ASB5: variants seen among roughly 807,000 people sequenced by gnomAD.
ASB5 encodes ankyrin repeat and SOCS box protein 5.
In ASB5, 45 loss-of-function variants were observed where a neutral mutation model predicts 42.1. The ratio of observed to expected loss-of-function variants is 1.07; its 90% CI spans 0.84 to 1.37. ASB5 has a LOEUF of 1.37. Among genes scored for constraint, ASB5 ranks in the 40% most tolerant of loss-of-function variants. The pLI is 0.00. For missense variants in ASB5, 402 were observed against 399.8 expected (o/e 1.01, Z -0.05); for synonymous variants, 147 against 150.6 (o/e 0.98, Z 0.18).
At chr4:176,237,064 GTC>G (rs1231971435) in intron 1 of ASB5, among the ~76,000 whole-genome samples, 2 of 152,156 alleles carry the variant, frequency 1.3e-5, no homozygotes, top group Non-Finnish European at 2.9e-5. Flanking sequence ...ACAAACCAGA[GTC>G]TAAGAGTTTG....
Position 176,254,935 on chromosome 4 carries a change from G to A in ASB5, c.196+13978C>T, listed in dbSNP as rs1354109361. On this transcript the variant is annotated intron_variant, in intron 1 of 6. Coordinates refer to ENST00000296525, the MANE Select transcript of ASB5 (RefSeq NM_080874.4). Reference sequence around the variant, plus strand: ...TCACGAGGTCAGGCGTTTGAGACCAGCCTGACCAACATGGTGAAACCCCAT... The same window carrying A: ...TCACGAGGTCAGGCGTTTGAGACCAACCTGACCAACATGGTGAAACCCCAT... 2.0e-5 allele frequency among the ~76,000 whole-genome samples: 3 copies of A among 152,082 alleles called. No individual in the cohort carries two copies. In the East Asian group the frequency reaches 5.8e-4, roughly 29 times the overall value.
chr4:176,272,661 C>T (rs1754490237), upstream of ASB5, among the ~76,000 whole-genome samples: 1 of 152,090 alleles, frequency 6.6e-6, no homozygotes, highest in African/African-American at 2.4e-5. Flanking sequence ...GAGTACTACA[C>T]GAATTGTTGC....
Position 176,222,391 on chromosome 4 carries a change from G to C in ASB5, c.306C>G (p.Asp102Glu), listed in dbSNP as rs1753240961. The C allele has an allele frequency of 6.2e-7, 1 of 1,613,762 alleles. No individual in the cohort carries two copies. Reference protein sequence around the residue: ...QGYNVNAVTLDHVTPLHEACL... With the variant: ...QGYNVNAVTLEHVTPLHEACL... The stretch of plus-strand genomic sequence containing the variant: ...AGGCTTCGTGCAATGGGGTGACATG[G>C]TCTAAGGTTACTGCATTTACATTAT... The change falls in exon 3 of 7, where the codon GAC (aspartate) becomes GAG (glutamate). Residue 102 changes from aspartate (D) to glutamate (E), a missense_variant. Coordinates refer to ENST00000296525, the MANE Select transcript of ASB5 (RefSeq NM_080874.4).
At chr4:176,222,502 T>C in intron 2 of ASB5, 82 bp from the exon 3 acceptor site, 3 of 1,256,348 alleles carry the variant, frequency 2.4e-6, no homozygotes, top group Non-Finnish European at 3.4e-6. Context: ...TAGAGAGTGA[T>C]ATATTTTAGA....
At chr4:176,253,440 C>T (rs964589110) in intron 1 of ASB5, among the ~76,000 whole-genome samples, 1 of 152,158 alleles carries the variant, frequency 6.6e-6, no homozygotes, top group East Asian at 1.9e-4. Flanking sequence ...ATAGTTCATA[C>T]TAAACAGGCA....
At chr4:176,269,573 A>G (rs1754430204), upstream of ASB5, among the ~76,000 whole-genome samples, 1 of 152,226 alleles carries the variant, frequency 6.6e-6, no homozygotes, top group African/African-American at 2.4e-5. Context: ...GAGCTAAATC[A>G]GTACACAGTC....
intron 1 of ASB5, 22 bp downstream of exon 1, chr4:176,268,891 G>A: frequency 6.5e-7 from 1 of 1,535,758 alleles, no homozygotes; most frequent in Non-Finnish European, 8.8e-7. Context: ...CTTGAAACAA[G>A]AGAGGATTAT....
chr4:176,237,162 T>C (rs1181282049), intron 1 of ASB5: 1 of 562,368 alleles, frequency 1.8e-6, no homozygotes, highest in African/African-American at 2.1e-5. Flanking sequence ...AGCAGTCCTT[T>C]GCCATGCCAT....
At chr4:176,216,302 C>A (rs1752967135) in intron 6 of ASB5, among the ~76,000 whole-genome samples, 1 of 151,882 alleles carries the variant, frequency 6.6e-6, no homozygotes, top group Admixed American at 6.6e-5. Context: ...ATATATTTAA[C>A]CAAAAATATA....
chr4:176,216,591 C>T (rs577425355), intron 6 of ASB5, among the ~76,000 whole-genome samples: 1 of 152,276 alleles, frequency 6.6e-6, no homozygotes, highest in South Asian at 2.1e-4. Context: ...CCTTGTGATC[C>T]ACCCGCCTTG....
intron 1 of ASB5, among the ~76,000 whole-genome samples, chr4:176,231,703 G>T (rs1753550359): frequency 6.6e-6 from 1 of 150,860 alleles, no homozygotes; most frequent in African/African-American, 2.4e-5. Context: ...AATTATCTGG[G>T]CATGGTGGCA....
In ASB5 at chr4:176,265,226, C is replaced by A. The variant is rs150122097; in HGVS notation, c.196+3687G>T. On this transcript the variant is annotated intron_variant, in intron 1 of 6. Coordinates refer to ENST00000296525, the MANE Select transcript of ASB5 (RefSeq NM_080874.4). ...TTTTCTACTGCATGAACTCTCCACT[C>A]CAGCCAAATCTACTGACTCCCAACA... is the stretch of plus-strand genomic sequence containing the variant. Among the ~76,000 whole-genome samples, 5 of 152,250 alleles carry A rather than the reference C, an allele frequency of 3.3e-5. No individual in the cohort carries two copies. In the East Asian group the frequency reaches 9.7e-4, roughly 29 times the overall value.
At chr4:176,229,964 G>A (rs895171371) in intron 1 of ASB5, among the ~76,000 whole-genome samples, 1 of 152,164 alleles carries the variant, frequency 6.6e-6, no homozygotes, top group African/African-American at 2.4e-5. Flanking sequence ...AGAGCAGGAG[G>A]AAGTGAGAAA....
chr4:176,241,712 AGCATCTTGG>A, intron 1 of ASB5: 2 of 1,252,788 alleles, frequency 1.6e-6, no homozygotes, highest in Non-Finnish European at 2.0e-6. Context: ...GCCTGACATA[AGCATCTTGG>A]AAAAAAAATT....
At chr4:176,266,107 C>A (rs1240280404) in intron 1 of ASB5, among the ~76,000 whole-genome samples, 2 of 152,176 alleles carry the variant, frequency 1.3e-5, no homozygotes, top group South Asian at 2.1e-4. Flanking sequence ...TTAAAAAAAA[C>A]CACCAGATAT....
intron 1 of ASB5, among the ~76,000 whole-genome samples, chr4:176,238,840 G>C (rs912777067): frequency 3.9e-5 from 6 of 152,114 alleles, no homozygotes; most frequent in Non-Finnish European, 5.9e-5. Context: ...TTTACCTCAA[G>C]TTATCGCTAA....
At chr4:176,272,978 T>G (rs1754498758), upstream of ASB5, among the ~76,000 whole-genome samples, 1 of 145,710 alleles carries the variant, frequency 6.9e-6, no homozygotes. Flanking sequence ...GACAGGGTCT[T>G]GCTCTGTCAC....
intron 1 of ASB5, among the ~76,000 whole-genome samples, chr4:176,246,991 A>G (rs1753925998): frequency 6.6e-6 from 1 of 152,214 alleles, no homozygotes; most frequent in African/African-American, 2.4e-5. Flanking sequence ...GAGAGCTTAG[A>G]AAAGTTCTTT....
chr4:176,241,102 AG>A (rs1383711565), intron 1 of ASB5, among the ~76,000 whole-genome samples: 3 of 152,230 alleles, frequency 2.0e-5, no homozygotes, highest in African/African-American at 7.2e-5. Context: ...TAAATATTTT[AG>A]TATTATCTCC....
Sources: gnomAD v4.1 joint callset for allele counts (sites outside exome capture counted in the v4.1 genomes callset) on GRCh38, gnomAD v4.1.1 for gene constraint, MANE v1.5 for transcripts, NCBI Gene and HGNC (gene_info 2026-07-23, HGNC 2026-07-21) for gene names.